TRABD2B: variants seen among roughly 807,000 people sequenced by gnomAD.
TRABD2B encodes TraB domain containing 2B, also known as metalloprotease TIKI2.
Under a neutral mutation model 40.1 loss-of-function variants are expected in TRABD2B, and 14 were observed. The observed-to-expected ratio is 0.35, with a 90% CI of 0.23 to 0.55. The LOEUF is 0.55. TRABD2B is among the 20% of genes least tolerant of loss of function. TRABD2B has a pLI of 0.90. For missense variants in TRABD2B, 541 were observed against 648.6 expected, an observed-to-expected ratio of 0.83 and a Z score of 1.80; for synonymous variants, 263 against 277.0, an observed-to-expected ratio of 0.95 and a Z score of 0.50.
rs1644582444 is a variant in TRABD2B at position 47,785,417 on chromosome 1, T to C, written c.989-6873A>G. 2.0e-5 allele frequency among the ~76,000 whole-genome samples: 3 copies of C among 152,226 alleles called. No homozygotes were observed. In the South Asian group the frequency reaches 6.2e-4, roughly 32 times the overall value. On this transcript the variant is annotated intron_variant, in intron 4 of 6. Coordinates refer to ENST00000606738, the MANE Select transcript of TRABD2B (RefSeq NM_001194986.2). The stretch of plus-strand genomic sequence containing the variant: ...GGTGGAACCAGAGATTCTGCCTGCT[T>C]TAGCAGCCTTTACCAGCTGCTCCTC...
intron 2 of TRABD2B, among the ~76,000 whole-genome samples, chr1:47,970,603 C>G (rs1327032112): frequency 6.6e-6 from 1 of 152,214 alleles, no homozygotes; most frequent in African/African-American, 2.4e-5. Flanking sequence ...CAAACCACCC[C>G]AGGCCTCTGT....
At chr1:47,766,989 G>C (rs568027173) in intron 6 of TRABD2B, among the ~76,000 whole-genome samples, 1 of 152,310 alleles carries the variant, frequency 6.6e-6, no homozygotes, top group Non-Finnish European at 1.5e-5. Context: ...TGGGAAGCTG[G>C]AGGCGGGGGC....
Position 47,765,715 on chromosome 1 carries a change from A to G in TRABD2B, c.*187T>C. The stretch of plus-strand genomic sequence containing the variant: ...AAAAGAGCCCCATAGCACTATGGGA[A>G]ATTAAGATCCTTCTACAAAAAAGAA... On this transcript the variant is annotated 3_prime_UTR_variant, in exon 7 of 7. Coordinates refer to ENST00000606738, the MANE Select transcript of TRABD2B (RefSeq NM_001194986.2). 8.1e-6 allele frequency: 5 copies of G among 620,306 alleles called. No individual in the cohort carries two copies. Among genetic ancestry groups the G allele is most frequent in the Non-Finnish European group, 1.4e-5 (5 of 347,442 alleles). 38.4% of individuals were successfully genotyped at this position (620,306 alleles called of 1,614,324 possible).
In TRABD2B at chr1:47,997,245, G is replaced by A; in HGVS notation, c.-456C>T. 2 of 982,160 alleles carry A rather than the reference G, an allele frequency of 2.0e-6. No homozygotes were observed. Among genetic ancestry groups the A allele is most frequent in the Non-Finnish European group, 2.4e-6 (2 of 828,400 alleles). The allele number at this position is 982,160 out of a possible 1,614,324, so 60.8% of individuals were successfully genotyped here. A position where few individuals can be genotyped will look rare whatever the true frequency, so the allele number is the denominator to read the frequency against. The stretch of plus-strand genomic sequence containing the variant: ...AGGAGGCGCGCAGTGGGACAAGTGC[G>A]GCGGAAGGCGCGGCAGGGGTGGGGG... On this transcript the variant is annotated 5_prime_UTR_variant, in exon 1 of 7. Transcript: ENST00000606738.
At chr1:47,965,214 A>AGG (rs1312482961) in intron 2 of TRABD2B, among the ~76,000 whole-genome samples, 1 of 2,768 alleles carries the variant, frequency 3.6e-4, no homozygotes, top group Admixed American at 4.9e-3. Context: ...GGGGGGGTGG[A>AGG]GGGGGGGGTG....
At chr1:47,933,390 G>A (rs1214084933) in intron 2 of TRABD2B, among the ~76,000 whole-genome samples, 4 of 152,080 alleles carry the variant, frequency 2.6e-5, no homozygotes, top group Admixed American at 6.6e-5. Flanking sequence ...GGGATTACAG[G>A]CGGGAGCTAC....
At chr1:47,968,518 G>A (rs1645635529) in intron 2 of TRABD2B, among the ~76,000 whole-genome samples, 1 of 152,066 alleles carries the variant, frequency 6.6e-6, no homozygotes, top group African/African-American at 2.4e-5. Flanking sequence ...TTGGGCTCAG[G>A]AACACAGGTT....
intron 2 of TRABD2B, among the ~76,000 whole-genome samples, chr1:47,890,445 G>A (rs2124649106): frequency 6.6e-6 from 1 of 152,308 alleles, no homozygotes; most frequent in South Asian, 2.1e-4. Context: ...AAGCCTTGCT[G>A]GCCTCCTTTC....
At chr1:47,941,022 T>G (rs1229834745) in intron 2 of TRABD2B, among the ~76,000 whole-genome samples, 3 of 152,102 alleles carry the variant, frequency 2.0e-5, no homozygotes, top group African/African-American at 7.2e-5. Context: ...TGGCTGGCTG[T>G]CTCTGTCCCA....
At chr1:47,853,320 T>A (rs1643853964) in intron 2 of TRABD2B, among the ~76,000 whole-genome samples, 1 of 152,156 alleles carries the variant, frequency 6.6e-6, no homozygotes, top group Admixed American at 6.5e-5. Flanking sequence ...AGGGGCAAGA[T>A]CAATATTTGC....
At chr1:47,776,740 C>T (rs1276728827) in intron 5 of TRABD2B, among the ~76,000 whole-genome samples, 3 of 152,100 alleles carry the variant, frequency 2.0e-5, no homozygotes, top group Non-Finnish European at 4.4e-5. Context: ...GCAGGCAGGC[C>T]GTCTTCCCAG....
At chr1:47,879,104 C>CA (rs5773970) in intron 2 of TRABD2B, among the ~76,000 whole-genome samples, 107 of 127,132 alleles carry the variant, frequency 8.4e-4, no homozygotes, top group Middle Eastern at 4.3e-3. Context: ...GACCTTGTCT[C>CA]AAAAAAAAAA....
intron 2 of TRABD2B, among the ~76,000 whole-genome samples, chr1:47,873,005 C>T (rs1302051780): frequency 6.6e-6 from 1 of 152,166 alleles, no homozygotes; most frequent in Non-Finnish European, 1.5e-5. Context: ...AGATTCAGTG[C>T]CTGGTGGGGC....
rs150509073 is a variant in TRABD2B at position 47,974,470 on chromosome 1, G to A, written c.666+19564C>T. Among the ~76,000 whole-genome samples the A allele has an allele frequency of 2.1e-3, 325 of 152,208 alleles. 2 individuals are homozygous for A. The highest frequency in any genetic ancestry group is 7.6e-3 in the African/African-American group (317 of 41,530). On this transcript the variant is annotated intron_variant, in intron 2 of 6. Transcript: ENST00000606738. ...CCCATCCAAACCCCACCCACTTGCAGCCTGGTCCCTCTCTAGCCTACTGAT... is the reference window on the plus strand; with the variant it reads ...CCCATCCAAACCCCACCCACTTGCAACCTGGTCCCTCTCTAGCCTACTGAT...
At chr1:47,946,176 C>A (rs1052323975) in intron 2 of TRABD2B, among the ~76,000 whole-genome samples, 1 of 152,060 alleles carries the variant, frequency 6.6e-6, no homozygotes, top group Non-Finnish European at 1.5e-5. Flanking sequence ...TACTTACTTG[C>A]CATTCATATA....
At chr1:47,993,413 G>C (rs1037558322) in intron 2 of TRABD2B, among the ~76,000 whole-genome samples, 4 of 152,148 alleles carry the variant, frequency 2.6e-5, no homozygotes, top group African/African-American at 9.7e-5. Context: ...ACCTTTAAGC[G>C]AACACGCTTC....
At chr1:47,987,856 C>G (rs983131569) in intron 2 of TRABD2B, among the ~76,000 whole-genome samples, 1 of 152,172 alleles carries the variant, frequency 6.6e-6, no homozygotes, top group Non-Finnish European at 1.5e-5. Context: ...GTGAAGGTCG[C>G]GCCAGAAGAA....
At chr1:47,925,209 C>T (rs1644953917) in intron 2 of TRABD2B, among the ~76,000 whole-genome samples, 2 of 152,166 alleles carry the variant, frequency 1.3e-5, no homozygotes, top group Non-Finnish European at 2.9e-5. Flanking sequence ...CTATCCCATC[C>T]TCTGGTGTCC....
chr1:47,788,387 G>C (rs547284716), intron 4 of TRABD2B, among the ~76,000 whole-genome samples: 2 of 152,210 alleles, frequency 1.3e-5, no homozygotes, highest in Non-Finnish European at 2.9e-5. Flanking sequence ...CTCTAGCTGG[G>C]GTAGAAACAG....
Sources: allele counts gnomAD v4.1 joint callset (sites outside exome capture counted in the v4.1 genomes callset), GRCh38; gene constraint gnomAD v4.1.1; transcripts MANE v1.5; gene names NCBI Gene and HGNC (gene_info 2026-07-23, HGNC 2026-07-21).